DNAJC15: variants seen among roughly 807,000 people sequenced by gnomAD.
DNAJC15 encodes the protein DnaJ heat shock protein family (Hsp40) member C15.
In DNAJC15, 27 loss-of-function variants were observed where a neutral mutation model predicts 22.4. That is an observed-to-expected ratio of 1.20 (90% CI 0.89 to 1.66). The LOEUF (loss-of-function observed/expected upper bound fraction) is 1.66. Among genes scored for constraint, DNAJC15 ranks in the 40% most tolerant of loss-of-function variants. The pLI is 0.00. For synonymous variants in DNAJC15, 79 were observed against 63.2 expected, an observed-to-expected ratio of 1.25 and a Z score of -1.19; for missense variants, 208 against 187.1, an observed-to-expected ratio of 1.11 and a Z score of -0.65.
At chr13:43,036,555 C>T (rs1001047209) in intron 1 of DNAJC15, among the ~76,000 whole-genome samples, 2 of 152,236 alleles carry the variant, frequency 1.3e-5, no homozygotes, top group African/African-American at 4.8e-5. Flanking sequence ...GGACTTCATC[C>T]AGAACTGGCA....
In DNAJC15 at chr13:43,110,966, G is replaced by A. The variant is rs2040822068; in HGVS notation, c.*3718G>A. 1 of 152,216 alleles carries A rather than the reference G, an allele frequency of 6.6e-6. No individual in the cohort carries two copies. Among genetic ancestry groups the A allele is most frequent in the South Asian group, 2.1e-4 (1 of 4,834 alleles). The allele number at this position is 152,216 out of a possible 1,614,324, so 9.4% of individuals were successfully genotyped here. A position where few individuals can be genotyped will look rare whatever the true frequency, so the allele number is the denominator to read the frequency against. On this transcript the variant is annotated 3_prime_UTR_variant, in exon 6 of 6. Transcript: ENST00000379221. ...TTAATTAAGCTCTGTTGATATTGCA[G>A]TTTCTGTGCATACTTACATCTTAGA...
At chr13:43,031,514 C>G (rs956596773) in intron 1 of DNAJC15, among the ~76,000 whole-genome samples, 1 of 152,160 alleles carries the variant, frequency 6.6e-6, no homozygotes, top group Non-Finnish European at 1.5e-5. Flanking sequence ...GTTGAAAATG[C>G]GTTACAGTGG....
At chr13:43,055,299 G>A (rs1457808227) in intron 1 of DNAJC15, among the ~76,000 whole-genome samples, 1 of 151,106 alleles carries the variant, frequency 6.6e-6, no homozygotes, top group Non-Finnish European at 1.5e-5. Context: ...AAATCGTCAG[G>A]CCCTAGGAGG....
chr13:43,026,408 C>A (rs1372908438), intron 1 of DNAJC15, among the ~76,000 whole-genome samples: 1 of 152,206 alleles, frequency 6.6e-6, no homozygotes, highest in Non-Finnish European at 1.5e-5. Context: ...CAAATACCCT[C>A]CCTTCTATTC....
intron 1 of DNAJC15, among the ~76,000 whole-genome samples, chr13:43,037,194 G>A (rs1371637329): frequency 6.6e-6 from 1 of 152,242 alleles, no homozygotes; most frequent in Non-Finnish European, 1.5e-5. Context: ...ATCGGTTGCT[G>A]TAAGGGAGTA....
At chr13:43,069,345 G>GCA (rs2040598396) in intron 3 of DNAJC15, among the ~76,000 whole-genome samples, 1 of 152,086 alleles carries the variant, frequency 6.6e-6, no homozygotes, top group Non-Finnish European at 1.5e-5. Flanking sequence ...CCAGGAGCTT[G>GCA]GAATAGCTGA....
chr13:43,025,963 T>C (rs1221945618), intron 1 of DNAJC15, among the ~76,000 whole-genome samples: 1 of 152,238 alleles, frequency 6.6e-6, no homozygotes, highest in East Asian at 1.9e-4. Context: ...TACTTAGACA[T>C]TACTACATTA....
At chr13:43,050,551 A>G (rs942937348) in intron 1 of DNAJC15, among the ~76,000 whole-genome samples, 2 of 152,146 alleles carry the variant, frequency 1.3e-5, no homozygotes, top group African/African-American at 4.8e-5. Flanking sequence ...CAGCCTCCCA[A>G]AATGAAGACT....
intron 3 of DNAJC15, among the ~76,000 whole-genome samples, chr13:43,070,767 GA>G (rs1005764785): frequency 2.6e-5 from 4 of 151,906 alleles, no homozygotes; most frequent in East Asian, 1.9e-4. Flanking sequence ...AATAGACAAT[GA>G]AAAAAAACTT....
chr13:43,048,540 C>G (rs2040488428), intron 1 of DNAJC15, among the ~76,000 whole-genome samples: 1 of 152,178 alleles, frequency 6.6e-6, no homozygotes, highest in South Asian at 2.1e-4. Flanking sequence ...TCCCATATCA[C>G]ATAAATTTGT....
intron 1 of DNAJC15, among the ~76,000 whole-genome samples, chr13:43,053,973 G>A (rs2040517835): frequency 6.6e-6 from 1 of 152,092 alleles, no homozygotes; most frequent in African/African-American, 2.4e-5. Flanking sequence ...GGTGTAAGTG[G>A]GCATCCTTGT....
At position 43,108,277 on chromosome 13, in the gene DNAJC15, TATATC is replaced by T. The variant is rs1244800745; in HGVS notation, c.*1031_*1035del. On this transcript the variant is annotated 3_prime_UTR_variant, in exon 6 of 6. Coordinates refer to ENST00000379221, the MANE Select transcript of DNAJC15 (RefSeq NM_013238.3). Reference sequence around the variant, plus strand: ...TGAGATGAGAATTAGCAGAAATAGATATATCAATCGGAGTGATTAGAGTGCAGGGT... The same window carrying T: ...TGAGATGAGAATTAGCAGAAATAGATAATCGGAGTGATTAGAGTGCAGGGT... 1 of 152,172 alleles carries T rather than the reference TATATC, an allele frequency of 6.6e-6. No homozygotes were observed. The highest frequency in any genetic ancestry group is 2.4e-5 in the African/African-American group (1 of 41,452). The allele number at this position is 152,172 out of a possible 1,614,324, so 9.4% of individuals were successfully genotyped here.
intron 5 of DNAJC15, among the ~76,000 whole-genome samples, chr13:43,094,355 C>A (rs2153441975): frequency 6.6e-6 from 1 of 152,338 alleles, no homozygotes; most frequent in South Asian, 2.1e-4. Context: ...GTTAGACATG[C>A]AGACTCTTAG....
At chr13:43,102,996 A>G (rs1267089410) in intron 5 of DNAJC15, among the ~76,000 whole-genome samples, 1 of 152,020 alleles carries the variant, frequency 6.6e-6, no homozygotes, top group African/African-American at 2.4e-5. Context: ...TTCTTCTTAT[A>G]TTAATTTTGA....
intron 1 of DNAJC15, among the ~76,000 whole-genome samples, chr13:43,038,801 G>GAAA (rs562632739): frequency 1.9e-5 from 2 of 107,302 alleles, no homozygotes; most frequent in East Asian, 5.7e-4. Context: ...CAAAAAATAG[G>GAAA]AAAAAAAAAA....
At chr13:43,046,032 A>T (rs190550053) in intron 1 of DNAJC15, among the ~76,000 whole-genome samples, 26 of 152,322 alleles carry the variant, frequency 1.7e-4, no homozygotes, top group African/African-American at 6.3e-4. Context: ...CAGAGATGGG[A>T]AATAGCCTTC....
chr13:43,064,076 G>C (rs931614113), intron 1 of DNAJC15, among the ~76,000 whole-genome samples: 4 of 152,126 alleles, frequency 2.6e-5, no homozygotes, highest in Non-Finnish European at 5.9e-5. Flanking sequence ...CTAGGCTTTC[G>C]CTCCTCTGCC....
chr13:43,066,564 C>T (rs928895682), intron 2 of DNAJC15, among the ~76,000 whole-genome samples: 1 of 152,196 alleles, frequency 6.6e-6, no homozygotes, highest in African/African-American at 2.4e-5. Context: ...GTAACATATT[C>T]TCAGGTTCCA....
At chr13:43,059,952 G>A (rs1401935670) in intron 1 of DNAJC15, among the ~76,000 whole-genome samples, 1 of 152,210 alleles carries the variant, frequency 6.6e-6, no homozygotes, top group African/African-American at 2.4e-5. Flanking sequence ...GATCAGTTAG[G>A]GTGGGGCAGA....
Sources: allele counts gnomAD v4.1 joint callset (sites outside exome capture counted in the v4.1 genomes callset), GRCh38; gene constraint gnomAD v4.1.1; transcripts MANE v1.5; gene names NCBI Gene and HGNC (gene_info 2026-07-23, HGNC 2026-07-21).